The following B3GALT5 variants were observed in gnomAD, a reference collection of about 807,000 sequenced individuals.
B3GALT5 encodes the protein UDP-Gal:betaGlcNAc beta 1,3-galactosyltransferase, polypeptide 5.
For synonymous variants in B3GALT5, 156 were observed against 158.6 expected (o/e 0.98, Z 0.12); for missense variants, 328 against 396.6 (o/e 0.83, Z 1.47).
chr21:39,655,113 G>C (rs1039848410), intron 2 of B3GALT5, among the ~76,000 whole-genome samples: 2 of 152,226 alleles, frequency 1.3e-5, no homozygotes, highest in African/African-American at 4.8e-5. Context: ...ACCCATGAGA[G>C]TCGATGGTGT....
intron 1 of B3GALT5, among the ~76,000 whole-genome samples, chr21:39,639,584 A>G (rs1432163904): frequency 4.7e-5 from 7 of 150,412 alleles, no homozygotes; most frequent in East Asian, 2.0e-4. Context: ...GGTTCAAGCA[A>G]TTCTCCTGCC....
At chr21:39,658,276 G>A (rs1335518872) in intron 2 of B3GALT5, among the ~76,000 whole-genome samples, 1 of 152,162 alleles carries the variant, frequency 6.6e-6, no homozygotes, top group Non-Finnish European at 1.5e-5. Context: ...TTTGGCACCT[G>A]CTCTGCCTCC....
intron 1 of B3GALT5, among the ~76,000 whole-genome samples, chr21:39,634,717 C>T (rs1278954001): frequency 1.3e-5 from 2 of 152,100 alleles, no homozygotes; most frequent in Non-Finnish European, 2.9e-5. Context: ...CATATTGGTT[C>T]TCAAAGTGTT....
rs2079621190 is a variant in B3GALT5, at chr21:39,670,801, T to C, written c.*9309T>C. ...CAAGAGTCTATGGCTCTGTGATATA[T>C]TAAATCAGGCTTGTTAATTATTTAA... On this transcript the variant is annotated 3_prime_UTR_variant, in exon 4 of 4. Coordinates refer to ENST00000684187, the MANE Select transcript of B3GALT5 (RefSeq NM_001356336.2). 1 of 152,180 alleles carries C rather than the reference T, an allele frequency of 6.6e-6. No homozygotes were observed. Among genetic ancestry groups the C allele is most frequent in the Non-Finnish European group, 1.5e-5 (1 of 68,030 alleles). The allele number at this position is 152,180 out of a possible 1,614,324, so 9.4% of individuals were successfully genotyped here. A position where few individuals can be genotyped will look rare whatever the true frequency, so the allele number is the denominator to read the frequency against.
intron 1 of B3GALT5, among the ~76,000 whole-genome samples, chr21:39,639,287 G>GCTCTTTCTTTCTTTCTTTCTTTCT (rs1569211932): frequency 1.6e-5 from 2 of 124,810 alleles, no homozygotes; most frequent in African/African-American, 5.7e-5. Context: ...CAGGCATCTG[G>GCTCTTTCTTTCTTTCTTTCTTTCT]CTCTTTCTTT....
chr21:39,640,768 G>T (rs952886054), intron 1 of B3GALT5, among the ~76,000 whole-genome samples: 1 of 151,004 alleles, frequency 6.6e-6, no homozygotes, highest in Admixed American at 6.6e-5. Flanking sequence ...TGTTTTTCAA[G>T]ACAGAGTCTT....
At chr21:39,635,340 C>G (rs2079219566) in intron 1 of B3GALT5, among the ~76,000 whole-genome samples, 2 of 152,068 alleles carry the variant, frequency 1.3e-5, no homozygotes, top group South Asian at 4.1e-4. Context: ...AAGGGATGAT[C>G]CTATGGTGGG....
At chr21:39,658,417 C>T (rs1331312752) in intron 2 of B3GALT5, among the ~76,000 whole-genome samples, 1 of 152,076 alleles carries the variant, frequency 6.6e-6, no homozygotes, top group Non-Finnish European at 1.5e-5. Context: ...TAAAGCAACC[C>T]ATAGAAAAGG....
chr21:39,630,733 G>C (rs2079187514), intron 1 of B3GALT5, among the ~76,000 whole-genome samples: 1 of 152,156 alleles, frequency 6.6e-6, no homozygotes, highest in African/African-American at 2.4e-5. Context: ...TGCTGAGAGT[G>C]GTGACCAGAA....
intron 1 of B3GALT5, among the ~76,000 whole-genome samples, chr21:39,625,595 A>G (rs1199659240): frequency 1.3e-5 from 2 of 152,338 alleles, no homozygotes; most frequent in East Asian, 3.9e-4. Context: ...TTCATTATGC[A>G]TATTAATTTT....
rs1379170364 is a variant in B3GALT5, at chr21:39,671,787, A to G, written c.*10295A>G. 1 of 152,174 alleles carries G rather than the reference A, an allele frequency of 6.6e-6. No individual in the cohort carries two copies. Among genetic ancestry groups the G allele is most frequent in the African/African-American group, 2.4e-5 (1 of 41,434 alleles). 9.4% of individuals were successfully genotyped at this position (152,174 alleles called of 1,614,324 possible). A position where few individuals can be genotyped will look rare whatever the true frequency, so the allele number is the denominator to read the frequency against. On this transcript the variant is annotated 3_prime_UTR_variant, in exon 4 of 4. Transcript: ENST00000684187. ...TGCAGTGTGTGGCCCCTGGGAATGT[A>G]GAGGCATGAATTTCTGTCTGTTTTC...
At chr21:39,614,908 C>A (rs377686812) in intron 1 of B3GALT5, among the ~76,000 whole-genome samples, 3 of 152,214 alleles carry the variant, frequency 2.0e-5, no homozygotes, top group African/African-American at 7.2e-5. Context: ...CTTTGAAAAG[C>A]TGCCTGGGCT....
intron 1 of B3GALT5, among the ~76,000 whole-genome samples, chr21:39,619,384 A>G (rs1422745472): frequency 2.0e-4 from 31 of 152,136 alleles, no homozygotes; most frequent in Non-Finnish European, 2.9e-5. Flanking sequence ...AACCTTAATT[A>G]CTTCCTCAAA....
At chr21:39,644,293 A>T (rs532552650) in intron 1 of B3GALT5, among the ~76,000 whole-genome samples, 1 of 152,186 alleles carries the variant, frequency 6.6e-6, no homozygotes, top group Non-Finnish European at 1.5e-5. Flanking sequence ...ATTTGTTTAC[A>T]TTACCATGTT....
chr21:39,614,407 T>C (rs756114711), intron 1 of B3GALT5, among the ~76,000 whole-genome samples: 3 of 152,230 alleles, frequency 2.0e-5, no homozygotes, highest in Non-Finnish European at 2.9e-5. Flanking sequence ...CCATGGACGT[T>C]ACCTCCTGGA....
chr21:39,640,233 A>G (rs1015824024), intron 1 of B3GALT5, among the ~76,000 whole-genome samples: 14 of 152,110 alleles, frequency 9.2e-5, no homozygotes, highest in African/African-American at 3.4e-4. Flanking sequence ...TGTGGAGCAC[A>G]TGCTTTGAAC....
chr21:39,624,408 C>T (rs991314057), intron 1 of B3GALT5, among the ~76,000 whole-genome samples: 21 of 152,166 alleles, frequency 1.4e-4, no homozygotes, highest in African/African-American at 5.1e-4. Flanking sequence ...CCCCCAGGCC[C>T]TACTACACAT....
chr21:39,631,777 A>G (rs1051864960), intron 1 of B3GALT5, among the ~76,000 whole-genome samples: 1 of 152,236 alleles, frequency 6.6e-6, no homozygotes, highest in African/African-American at 2.4e-5. Context: ...AGAATACGGC[A>G]GAGCTATATG....
chr21:39,617,119 C>T (rs1346451934), intron 1 of B3GALT5, among the ~76,000 whole-genome samples: 2 of 152,204 alleles, frequency 1.3e-5, no homozygotes, highest in African/African-American at 4.8e-5. Context: ...TCCCTTCTCA[C>T]TATCCTGAAT....
Sources: gnomAD v4.1 joint callset for allele counts (sites outside exome capture counted in the v4.1 genomes callset) on GRCh38, gnomAD v4.1.1 for gene constraint, MANE v1.5 for transcripts, NCBI Gene and HGNC (gene_info 2026-07-23, HGNC 2026-07-21) for gene names.